Variants in SGCE observed in about 807,000 individuals in gnomAD.
SGCE encodes the protein sarcoglycan epsilon.
Under a neutral mutation model 57.8 loss-of-function variants are expected in SGCE, and 26 were observed. The ratio of observed to expected loss-of-function variants is 0.45; its 90% CI spans 0.33 to 0.62. The LOEUF (loss-of-function observed/expected upper bound fraction) is 0.62. Ranked by LOEUF, SGCE falls within the 20% of genes least tolerant of loss-of-function variation. The pLI, the probability that SGCE is intolerant of heterozygous loss-of-function variation, is 0.02. For missense variants in SGCE, 468 were observed against 548.6 expected, an observed-to-expected ratio of 0.85 and a Z score of 1.47; for synonymous variants, 183 against 189.5, an observed-to-expected ratio of 0.97 and a Z score of 0.28.
At chr7:94,650,793 C>CCA (rs2117099773) in intron 1 of SGCE, among the ~76,000 whole-genome samples, 1 of 152,210 alleles carries the variant, frequency 6.6e-6, no homozygotes, top group South Asian at 2.1e-4. Flanking sequence ...TACCTTTAAC[C>CCA]CACCGATGCT....
chr7:94,585,953 A>G (rs1796827434), intron 10 of SGCE, among the ~76,000 whole-genome samples: 1 of 151,730 alleles, frequency 6.6e-6, no homozygotes, highest in Non-Finnish European at 1.5e-5. Context: ...GTCAGCTTTT[A>G]ACTGCTCTAT....
chr7:94,587,966 A>T, intron 10 of SGCE: 2 of 1,423,522 alleles, frequency 1.4e-6, no homozygotes, highest in Non-Finnish European at 1.8e-6. Context: ...CCCAACTTAC[A>T]TTTTTAAAAC....
At chr7:94,605,274 A>G (rs917937189) in intron 5 of SGCE, among the ~76,000 whole-genome samples, 2 of 152,164 alleles carry the variant, frequency 1.3e-5, no homozygotes, top group African/African-American at 4.8e-5. Flanking sequence ...TTTGCAAGAA[A>G]TGTTAAAATA....
chr7:94,644,125 A>AT (rs1265110809), intron 1 of SGCE, among the ~76,000 whole-genome samples: 2 of 152,260 alleles, frequency 1.3e-5, no homozygotes, highest in East Asian at 3.8e-4. Context: ...CATCATATGC[A>AT]TCTTGCATTT....
chr7:94,586,887 T>C (rs1032573554), intron 10 of SGCE: 2 of 985,150 alleles, frequency 2.0e-6, no homozygotes. Context: ...TCTCTCTCCC[T>C]TTGGCACTTA....
intron 6 of SGCE, among the ~76,000 whole-genome samples, chr7:94,602,683 T>G (rs899043834): frequency 1.3e-5 from 2 of 152,124 alleles, no homozygotes; most frequent in Non-Finnish European, 2.9e-5. Flanking sequence ...TGCAAACATA[T>G]GTAAAATATT....
intron 1 of SGCE, among the ~76,000 whole-genome samples, chr7:94,653,621 T>A (rs1462631680): frequency 6.6e-6 from 1 of 152,082 alleles, no homozygotes. Flanking sequence ...GCTCTATTAA[T>A]GTTATCTTTC....
At chr7:94,629,296 T>C (rs910890279) in intron 2 of SGCE, 1 of 159,812 alleles carries the variant, frequency 6.3e-6, no homozygotes, top group African/African-American at 2.4e-5. Flanking sequence ...TATATAAAAT[T>C]ATCTCCTATT....
chr7:94,619,222 A>G, intron 4 of SGCE: 1 of 314,964 alleles, frequency 3.2e-6, no homozygotes, highest in Non-Finnish European at 5.8e-6. Flanking sequence ...AGAATTTGGC[A>G]AAACAACTAA....
chr7:94,587,940 T>G, intron 10 of SGCE: 1 of 1,426,826 alleles, frequency 7.0e-7, no homozygotes, highest in Non-Finnish European at 9.1e-7. Flanking sequence ...CCGCTATTCA[T>G]ACTCAGAATT....
intron 1 of SGCE, among the ~76,000 whole-genome samples, chr7:94,654,115 TACAGGTG>T (rs1808261926): frequency 6.6e-6 from 1 of 152,154 alleles, no homozygotes; most frequent in Admixed American, 6.5e-5. Flanking sequence ...GTGAATAGGT[TACAGGTG>T]ACCTTTTCTT....
rs985355029 is a variant in SGCE at position 94,600,735 on chromosome 7, A to G, written c.948T>C (p.Asp316=). The G allele has an allele frequency of 1.9e-6, 3 of 1,613,724 alleles. No homozygotes were observed. The highest frequency in any genetic ancestry group is 2.5e-6 in the Non-Finnish European group (3 of 1,179,866). Residue 316 remains aspartate (D), a synonymous_variant, in exon 7 of 11, where the codon GAT becomes GAC. Coordinates refer to ENST00000648936, the MANE Select transcript of SGCE (RefSeq NM_003919.3). ...DSLKSRDYYT[D]FLITLAVPSA... Reference sequence around the variant, plus strand: ...AGGGCACAGCCAGTGTAATTAGGAAATCCGTGTAATAGTCTCTGCTTTTCA... The same window carrying G: ...AGGGCACAGCCAGTGTAATTAGGAAGTCCGTGTAATAGTCTCTGCTTTTCA...
intron 5 of SGCE, among the ~76,000 whole-genome samples, chr7:94,606,412 T>C (rs1800150775): frequency 6.6e-6 from 1 of 152,200 alleles, no homozygotes; most frequent in African/African-American, 2.4e-5. Context: ...AAGAGGTCAA[T>C]TCTTTAAGAA....
chr7:94,593,200 C>T (rs1797935905), intron 9 of SGCE, among the ~76,000 whole-genome samples: 1 of 151,978 alleles, frequency 6.6e-6, no homozygotes, highest in African/African-American at 2.4e-5. Flanking sequence ...TACTTTTATA[C>T]TTGTTAATTT....
chr7:94,634,727 G>A lies in SGCE; in HGVS notation c.110-4886C>T, dbSNP rs552160971. Among the ~76,000 whole-genome samples the A allele has an allele frequency of 4.6e-5, 7 of 152,102 alleles. No individual in the cohort carries two copies. In the East Asian group the frequency reaches 9.6e-4, roughly 21 times the overall value. On this transcript the variant is annotated intron_variant, in intron 1 of 10. Coordinates refer to ENST00000648936, the MANE Select transcript of SGCE (RefSeq NM_003919.3). ...GGCTGCCGAAAGACTCTTTTGTGGC[G>A]TATTTCCTAGTTCTTAGTTGACGCA...
intron 1 of SGCE, among the ~76,000 whole-genome samples, chr7:94,638,019 C>T (rs1249094149): frequency 6.6e-6 from 1 of 152,136 alleles, no homozygotes; most frequent in Non-Finnish European, 1.5e-5. Flanking sequence ...TCAGCTTGCT[C>T]AAGAAACCAG....
chr7:94,639,380 A>C, intron 1 of SGCE: 1 of 1,535,616 alleles, frequency 6.5e-7, no homozygotes, highest in East Asian at 2.4e-5. Context: ...CTGATAATAA[A>C]ATTGTTGGCC....
chr7:94,600,708 C>A lies in SGCE; in HGVS notation c.975G>T (p.Ser325=), dbSNP rs145040065. 3 of 1,613,718 alleles carry A rather than the reference C, an allele frequency of 1.9e-6. No homozygotes were observed. The highest frequency in any genetic ancestry group is 1.3e-5 in the African/African-American group (1 of 74,898). ...TDFLITLAVP[S]AVALVLFLIL... ...TTAGAAAAAGGACCAGTGCCACTGC[C>A]GAGGGCACAGCCAGTGTAATTAGGA... The change falls in exon 7 of 11, where the codon TCG becomes TCT. Residue 325 remains serine (S), a synonymous_variant. Coordinates refer to ENST00000648936, the MANE Select transcript of SGCE (RefSeq NM_003919.3).
intron 5 of SGCE, 150 bp downstream of exon 5, chr7:94,618,608 A>T (rs1802292894): frequency 1.5e-6 from 1 of 646,670 alleles, no homozygotes; most frequent in Non-Finnish European, 2.6e-6. Context: ...TTGCCAATAT[A>T]GAAAATTACT....
Sources: allele counts gnomAD v4.1 joint callset (sites outside exome capture counted in the v4.1 genomes callset), GRCh38; gene constraint gnomAD v4.1.1; transcripts MANE v1.5; gene names NCBI Gene and HGNC (gene_info 2026-07-23, HGNC 2026-07-21).